STX17: variants seen among roughly 807,000 people sequenced by gnomAD.
STX17 encodes syntaxin 17.
STX17 carries 29 observed loss-of-function variants against 35.9 expected under a neutral mutation model. The ratio of observed to expected loss-of-function variants is 0.81; its 90% CI spans 0.60 to 1.10. STX17 has a LOEUF of 1.10. Among genes scored for constraint, STX17 ranks in the 50% least tolerant of loss-of-function variants. STX17 has a pLI of 0.00. For missense variants in STX17, 312 were observed against 352.3 expected (o/e 0.89, Z 0.92); for synonymous variants, 92 against 118.3 (o/e 0.78, Z 1.44).
chr9:99,913,690 C>G (rs1828702065), intron 1 of STX17, among the ~76,000 whole-genome samples: 1 of 152,084 alleles, frequency 6.6e-6, no homozygotes, highest in East Asian at 1.9e-4. Flanking sequence ...TAATGAATTT[C>G]TCCATATGTC....
chr9:99,966,833 G>A lies in STX17; in HGVS notation c.583-820G>A, dbSNP rs560881122. Among the ~76,000 whole-genome samples, 17 of 152,306 alleles carry A rather than the reference G, an allele frequency of 1.1e-4. No homozygotes were observed. The South Asian group carries it at 3.5e-3, about 32-fold the overall frequency. ...CAGCAAGTAATGAGTTCGTGTCACTGGAGGTATCTGAGCAGAGGTTCAGTA... is the reference window on the plus strand; with the variant it reads ...CAGCAAGTAATGAGTTCGTGTCACTAGAGGTATCTGAGCAGAGGTTCAGTA... On this transcript the variant is annotated intron_variant, in intron 6 of 7. Transcript: ENST00000259400.
chr9:99,930,955 C>G (rs1313463533), intron 3 of STX17, among the ~76,000 whole-genome samples: 1 of 151,960 alleles, frequency 6.6e-6, no homozygotes, highest in Non-Finnish European at 1.5e-5. Flanking sequence ...CATATAATTT[C>G]CCAGTCTTTT....
chr9:99,910,584 T>C (rs1828639762), intron 1 of STX17, among the ~76,000 whole-genome samples: 1 of 152,224 alleles, frequency 6.6e-6, no homozygotes, highest in Admixed American at 6.5e-5. Flanking sequence ...ATTTATAGGA[T>C]ACATGTGATG....
At chr9:99,951,824 T>C (rs961947031) in intron 4 of STX17, among the ~76,000 whole-genome samples, 2 of 152,068 alleles carry the variant, frequency 1.3e-5, no homozygotes, top group Admixed American at 1.3e-4. Flanking sequence ...TGATAATTGC[T>C]GATCACATTA....
In STX17 at chr9:99,915,184, CTA is replaced by C. The variant is rs1828742389; in HGVS notation, c.-52_-51del. 3.9e-6 allele frequency: 6 copies of C among 1,528,256 alleles called. No individual in the cohort carries two copies. The highest frequency in any genetic ancestry group is 4.4e-6 in the Non-Finnish European group (5 of 1,141,076). 94.7% of individuals were successfully genotyped at this position (1,528,256 alleles called of 1,614,324 possible). A position where few individuals can be genotyped will look rare whatever the true frequency, so the allele number is the denominator to read the frequency against. ...AGAAATATTTTTCTTTTAGGTTTTT[CTA>C]TATGAGTGGAGAAGACAGCTGTTAC... On this transcript the variant is annotated 5_prime_UTR_variant, in exon 2 of 8. In the 5' UTR this introduces an upstream ATG that the reference lacks. Coordinates refer to ENST00000259400, the MANE Select transcript of STX17 (RefSeq NM_017919.3).
In STX17 at chr9:99,931,045, A is replaced by G. The variant is rs575424342; in HGVS notation, c.189+2202A>G. 9.2e-5 allele frequency among the ~76,000 whole-genome samples: 14 copies of G among 152,142 alleles called. No homozygotes were observed. The East Asian group carries it at 1.9e-3, about 21-fold the overall frequency. On this transcript the variant is annotated intron_variant, in intron 3 of 7. Transcript: ENST00000259400. ...AGGCTGGAGTGCAGTGAGTGATGCA[A>G]TCTTGGCTCACTGCAATCTCCACCT...
intron 2 of STX17, among the ~76,000 whole-genome samples, chr9:99,924,088 C>T (rs1828941498): frequency 6.6e-6 from 1 of 152,208 alleles, no homozygotes; most frequent in African/African-American, 2.4e-5. Context: ...TACTAACAGA[C>T]TGAGTGGAGA....
At chr9:99,948,527 C>A (rs1434113371) in intron 3 of STX17, among the ~76,000 whole-genome samples, 1 of 152,106 alleles carries the variant, frequency 6.6e-6, no homozygotes, top group Non-Finnish European at 1.5e-5. Flanking sequence ...TATTTACTAG[C>A]AGTGTAATCC....
At chr9:99,919,511 C>T (rs1371072979) in intron 2 of STX17, among the ~76,000 whole-genome samples, 1 of 152,202 alleles carries the variant, frequency 6.6e-6, no homozygotes, top group African/African-American at 2.4e-5. Flanking sequence ...CATATCCATA[C>T]TCTTTCTAGC....
Position 99,951,056 on chromosome 9 carries a change from A to G in STX17, c.190-4A>G, listed in dbSNP as rs954458057. 1 of 1,592,770 alleles carries G rather than the reference A, an allele frequency of 6.3e-7. No homozygotes were observed. Among genetic ancestry groups the G allele is most frequent in the South Asian group, 1.1e-5 (1 of 87,430 alleles). Reference sequence around the variant, plus strand: ...GTGGCATTAATGATTTTTTTCTTTTATAGCAACTCCGATCCAATATCCGAG... The same window carrying G: ...GTGGCATTAATGATTTTTTTCTTTTGTAGCAACTCCGATCCAATATCCGAG... On this transcript the variant is annotated splice_region_variant and splice_polypyrimidine_tract_variant and intron_variant, in intron 3 of 7. Coordinates refer to ENST00000259400, the MANE Select transcript of STX17 (RefSeq NM_017919.3).
At chr9:99,959,582 C>T (rs1196188897) in intron 4 of STX17, among the ~76,000 whole-genome samples, 3 of 151,502 alleles carry the variant, frequency 2.0e-5, no homozygotes, top group Non-Finnish European at 4.4e-5. Context: ...ACCTCAGCCT[C>T]CCAAGTAGCT....
At chr9:99,960,482 C>T (rs190688960) in intron 6 of STX17, among the ~76,000 whole-genome samples, 10 of 151,230 alleles carry the variant, frequency 6.6e-5, no homozygotes, top group African/African-American at 2.4e-4. Flanking sequence ...CTCACTCTGT[C>T]GCCCAGGCTG....
intron 3 of STX17, among the ~76,000 whole-genome samples, chr9:99,936,381 T>G (rs1157428905): frequency 6.6e-6 from 1 of 152,220 alleles, no homozygotes; most frequent in Non-Finnish European, 1.5e-5. Context: ...TTTTCACCCT[T>G]CTAATTAAGT....
At chr9:99,943,220 G>A (rs1181735316) in intron 3 of STX17, among the ~76,000 whole-genome samples, 1 of 152,028 alleles carries the variant, frequency 6.6e-6, no homozygotes, top group African/African-American at 2.4e-5. Context: ...TGCAAGCTCC[G>A]CCTCCTGGAT....
intron 1 of STX17, among the ~76,000 whole-genome samples, chr9:99,910,092 G>A (rs1250588223): frequency 6.6e-6 from 1 of 152,038 alleles, no homozygotes; most frequent in Non-Finnish European, 1.5e-5. Context: ...AATTAGCTGG[G>A]CGTGGTGGCA....
At chr9:99,924,645 T>A (rs1343365875) in intron 2 of STX17, among the ~76,000 whole-genome samples, 2 of 152,188 alleles carry the variant, frequency 1.3e-5, no homozygotes, top group East Asian at 3.8e-4. Flanking sequence ...CCTTTTAATA[T>A]TATGTAGCTT....
At chr9:99,967,072 T>A (rs1344872054) in intron 6 of STX17, among the ~76,000 whole-genome samples, 1 of 152,194 alleles carries the variant, frequency 6.6e-6, no homozygotes, top group African/African-American at 2.4e-5. Context: ...GATACACAGG[T>A]GTAAAGCACA....
intron 2 of STX17, among the ~76,000 whole-genome samples, chr9:99,923,277 CTGCAAA>C (rs1828924168): frequency 6.6e-6 from 1 of 152,046 alleles, no homozygotes; most frequent in Admixed American, 6.6e-5. Context: ...CATGGGAAAG[CTGCAAA>C]TGTCTATGAT....
chr9:99,920,045 A>G (rs1400363532), intron 2 of STX17, among the ~76,000 whole-genome samples: 2 of 152,058 alleles, frequency 1.3e-5, no homozygotes, highest in Admixed American at 6.6e-5. Flanking sequence ...ACCTTTCCCA[A>G]CCTCGTTCCT....
Sources: allele counts gnomAD v4.1 joint callset (sites outside exome capture counted in the v4.1 genomes callset), GRCh38; gene constraint gnomAD v4.1.1; transcripts MANE v1.5; gene names NCBI Gene and HGNC (gene_info 2026-07-23, HGNC 2026-07-21).